The following PLCB1 variants were observed in gnomAD, a reference collection of about 807,000 sequenced individuals.
The protein encoded by PLCB1 is 1-phosphatidylinositol 4,5-bisphosphate phosphodiesterase beta-1.
PLCB1 carries 46 observed loss-of-function variants against 161.8 expected under a neutral mutation model. The ratio of observed to expected loss-of-function variants is 0.28; its 90% confidence interval spans 0.22 to 0.36. The LOEUF is 0.36. PLCB1 is among the 10% of genes least tolerant of loss of function. The pLI, the probability that PLCB1 is intolerant of heterozygous loss-of-function variation, is 1.00. For synonymous variants in PLCB1, 517 were observed against 503.7 expected (o/e 1.03, Z -0.35); for missense variants, 1,016 against 1,472.5 (o/e 0.69, Z 5.07).
intron 16 of PLCB1, among the ~76,000 whole-genome samples, chr20:8,725,600 A>G (rs1324991503): frequency 6.6e-6 from 1 of 152,182 alleles, no homozygotes; most frequent in African/African-American, 2.4e-5. Context: ...TACAACAAAG[A>G]ATTCAACTTC....
chr20:8,645,772 A>G (rs181355791), intron 4 of PLCB1, among the ~76,000 whole-genome samples: 2 of 152,312 alleles, frequency 1.3e-5, no homozygotes, highest in South Asian at 2.1e-4. Flanking sequence ...TAAATTTTTA[A>G]TGACTCTTTA....
chr20:8,635,819 C>T (rs538157308), intron 4 of PLCB1, among the ~76,000 whole-genome samples: 14 of 152,222 alleles, frequency 9.2e-5, no homozygotes, highest in African/African-American at 2.2e-4. Context: ...AGGCCACCTC[C>T]GGGCCATTCA....
intron 3 of PLCB1, among the ~76,000 whole-genome samples, chr20:8,564,036 A>T (rs1296300359): frequency 6.6e-6 from 1 of 152,170 alleles, no homozygotes; most frequent in African/African-American, 2.4e-5. Flanking sequence ...CCACGTAGCC[A>T]AGACAATCCT....
intron 31 of PLCB1, among the ~76,000 whole-genome samples, chr20:8,857,935 C>T (rs1460558148): frequency 6.6e-6 from 1 of 152,052 alleles, no homozygotes; most frequent in Non-Finnish European, 1.5e-5. Context: ...GATTGGTCTT[C>T]TCATTACTTC....
Position 8,328,989 on chromosome 20 carries a change from A to G in PLCB1, c.178-42393A>G, listed in dbSNP as rs555592773. Among the ~76,000 whole-genome samples, 23 of 152,318 alleles carry G rather than the reference A, an allele frequency of 1.5e-4. No homozygotes were observed. In the East Asian group the frequency reaches 3.3e-3, roughly 22 times the overall value. ...TCAGAATCAATTACTGATGCTAACA[A>G]TATCTTCCAGTGTCAAATGAGAATA... On this transcript the variant is annotated intron_variant, in intron 2 of 31. Coordinates refer to ENST00000338037, the MANE Select transcript of PLCB1 (RefSeq NM_015192.4).
rs200547958 is a variant in PLCB1 at position 8,354,015 on chromosome 20, AT to A, written c.178-17364del. Among the ~76,000 whole-genome samples, 992 of 150,136 alleles carry A rather than the reference AT, an allele frequency of 6.6e-3. 13 individuals carry two copies. Among genetic ancestry groups the A allele is most frequent in the African/African-American group, 0.024 (950 of 40,030 alleles). ...TAAAATTATTCTAGAATAGAAGGCT[AT>A]TTAAAAAAAAAAAAAAGACCAAAGC... On this transcript the variant is annotated intron_variant, in intron 2 of 31. Coordinates refer to ENST00000338037, the MANE Select transcript of PLCB1 (RefSeq NM_015192.4).
At chr20:8,433,712 C>T (rs1436145508) in intron 3 of PLCB1, among the ~76,000 whole-genome samples, 3 of 121,218 alleles carry the variant, frequency 2.5e-5, no homozygotes, top group Non-Finnish European at 5.4e-5. Context: ...CCTCTTCCTC[C>T]TCCTCCTCCT....
chr20:8,880,752 T>TG (rs1987940957), intron 31 of PLCB1: 2 of 144,976 alleles, frequency 1.4e-5, no homozygotes, highest in African/African-American at 5.8e-5. Flanking sequence ...CGCTCACCTA[T>TG]CAATATTTCT....
At position 8,322,362 on chromosome 20, in the gene PLCB1, C is replaced by A. The variant is rs1984958887; in HGVS notation, c.178-49020C>A. Among the ~76,000 whole-genome samples the A allele has an allele frequency of 2.0e-5, 3 of 152,102 alleles. No individual in the cohort carries two copies. In the South Asian group the frequency reaches 6.2e-4, roughly 31 times the overall value. ...TTTTCATTCTGTCCTTTTCTTACTT[C>A]TATCAACCCATCCCCATGTGTCTTT... On this transcript the variant is annotated intron_variant, in intron 2 of 31. Coordinates refer to ENST00000338037, the MANE Select transcript of PLCB1 (RefSeq NM_015192.4).
chr20:8,463,747 A>T (rs961284002), intron 3 of PLCB1, among the ~76,000 whole-genome samples: 2 of 152,160 alleles, frequency 1.3e-5, no homozygotes, highest in African/African-American at 4.8e-5. Context: ...CAAAATCTTT[A>T]TGATTCTCTT....
In PLCB1 at chr20:8,865,768, ATGGCTATGCC is replaced by A. The variant is rs1987407329; in HGVS notation, c.3424-15850_3424-15841del. On this transcript the variant is annotated intron_variant, in intron 31 of 31. Coordinates refer to ENST00000338037, the MANE Select transcript of PLCB1 (RefSeq NM_015192.4). ...CTTTTCATTGGCAAGAATTTTTCAA[ATGGCTATGCC>A]TGGATTAAAAAGTGGTAGGGAGGAC... 2.0e-5 allele frequency among the ~76,000 whole-genome samples: 3 copies of A among 152,306 alleles called. No individual in the cohort carries two copies. In the South Asian group the frequency reaches 6.2e-4, roughly 32 times the overall value.
At chr20:8,666,269 G>A (rs1379015382) in intron 9 of PLCB1, among the ~76,000 whole-genome samples, 1 of 151,962 alleles carries the variant, frequency 6.6e-6, no homozygotes, top group Non-Finnish European at 1.5e-5. Flanking sequence ...TGTTTCATAG[G>A]GTCAACTCCC....
chr20:8,565,100 A>G (rs576442777), intron 3 of PLCB1, among the ~76,000 whole-genome samples: 14 of 152,198 alleles, frequency 9.2e-5, no homozygotes, highest in Non-Finnish European at 1.8e-4. Flanking sequence ...ATGCCCATCA[A>G]TGATAGACTG....
chr20:8,877,089 C>T (rs1179126022), intron 31 of PLCB1, among the ~76,000 whole-genome samples: 1 of 152,120 alleles, frequency 6.6e-6, no homozygotes, highest in Non-Finnish European at 1.5e-5. Flanking sequence ...CTACCATTCC[C>T]ACCTAACACC....
At chr20:8,217,928 C>T (rs1278323567) in intron 2 of PLCB1, among the ~76,000 whole-genome samples, 1 of 152,094 alleles carries the variant, frequency 6.6e-6, no homozygotes, top group Non-Finnish European at 1.5e-5. Flanking sequence ...CAAGCAGCCC[C>T]TTGCCAGATG....
At chr20:8,573,583 C>A (rs567807002) in intron 3 of PLCB1, among the ~76,000 whole-genome samples, 2 of 152,292 alleles carry the variant, frequency 1.3e-5, no homozygotes, top group Admixed American at 6.5e-5. Flanking sequence ...GACAAGAGGT[C>A]CCAATTATTC....
At chr20:8,178,760 G>A (rs550690710) in intron 2 of PLCB1, among the ~76,000 whole-genome samples, 1 of 152,148 alleles carries the variant, frequency 6.6e-6, no homozygotes, top group Non-Finnish European at 1.5e-5. Context: ...GGTATTTACA[G>A]TTTTCGGTTT....
chr20:8,165,152 T>C (rs2051662658), intron 2 of PLCB1, among the ~76,000 whole-genome samples: 1 of 152,258 alleles, frequency 6.6e-6, no homozygotes, highest in Non-Finnish European at 1.5e-5. Flanking sequence ...TAGTGGCTTC[T>C]AGCCATCATG....
chr20:8,165,073 C>T (rs1214640893), intron 2 of PLCB1, among the ~76,000 whole-genome samples: 1 of 152,184 alleles, frequency 6.6e-6, no homozygotes, highest in Non-Finnish European at 1.5e-5. Flanking sequence ...CTATCATTCC[C>T]TGTACAAGAC....
Sources: gnomAD v4.1 joint callset for allele counts (sites outside exome capture counted in the v4.1 genomes callset) on GRCh38, gnomAD v4.1.1 for gene constraint, MANE v1.5 for transcripts, NCBI Gene and HGNC (gene_info 2026-07-23, HGNC 2026-07-21) for gene names.